The following CYTL1 variants were observed in gnomAD, a reference collection of about 807,000 sequenced individuals.
The protein encoded by CYTL1 is cytokine like 1, also known as cytokine-like protein 1.
CYTL1 carries 17 observed loss-of-function variants against 13.1 expected under a neutral mutation model. The observed-to-expected ratio is 1.29, with a 90% CI of 0.89 to 1.94. The LOEUF (loss-of-function observed/expected upper bound fraction) is 1.94, where lower values mean the gene tolerates loss of function less well. Ranked by LOEUF, CYTL1 falls within the 30% of genes most tolerant of loss-of-function variation. The pLI is 0.00. For synonymous variants in CYTL1, 91 were observed against 79.4 expected (o/e 1.15, Z -0.78); for missense variants, 213 against 174.8 (o/e 1.22, Z -1.23).
chr4:5,016,012 C>T (rs1741064942), intron 3 of CYTL1, among the ~76,000 whole-genome samples: 1 of 152,196 alleles, frequency 6.6e-6, no homozygotes, highest in African/African-American at 2.4e-5. Flanking sequence ...GAAACTTAAT[C>T]CCTCTGCCTT....
At chr4:5,015,801 C>T (rs948739104) in intron 3 of CYTL1, among the ~76,000 whole-genome samples, 2 of 152,084 alleles carry the variant, frequency 1.3e-5, no homozygotes, top group Non-Finnish European at 2.9e-5. Context: ...GCTAGCAATT[C>T]CATATTTAGT....
chr4:5,018,434 A>AGGTG (rs1355580464), intron 1 of CYTL1, among the ~76,000 whole-genome samples: 2 of 152,270 alleles, frequency 1.3e-5, no homozygotes, highest in African/African-American at 4.8e-5. Context: ...AATACCAAGA[A>AGGTG]GGTGTTAGCT....
At position 5,014,940 on chromosome 4, in the gene CYTL1, C is replaced by A; in HGVS notation, c.*211G>T. ...CTAACCATCCTGGCAAGACATGAGT[C>A]AAGGGAATGAGAAGCATGGTTGCTA... is the stretch of plus-strand genomic sequence containing the variant. On this transcript the variant is annotated 3_prime_UTR_variant, in exon 4 of 4. Transcript: ENST00000307746. 1.8e-6 allele frequency: 1 copy of A among 562,488 alleles called. No homozygotes were observed. Among genetic ancestry groups the A allele is most frequent in the East Asian group, 3.1e-5 (1 of 32,348 alleles). The allele number at this position is 562,488 out of a possible 1,614,324, so 34.8% of individuals were successfully genotyped here. A position where few individuals can be genotyped will look rare whatever the true frequency, so the allele number is the denominator to read the frequency against.
chr4:5,017,294 G>T, intron 1 of CYTL1, 115 bp from the exon 2 acceptor site: 1 of 915,836 alleles, frequency 1.1e-6, no homozygotes, highest in Non-Finnish European at 1.7e-6. Context: ...GGCCCTCCCT[G>T]ATGCTACGAC....
intron 2 of CYTL1, 80 bp downstream of exon 2, chr4:5,017,055 G>A: frequency 6.2e-7 from 1 of 1,605,968 alleles, no homozygotes; most frequent in Admixed American, 1.7e-5. Flanking sequence ...CCCTGACTCT[G>A]TGCCACACAG....
chr4:5,019,378 G>T lies in CYTL1; in HGVS notation c.68C>A (p.Thr23Asn), dbSNP rs765546939. ...CATGCGGGAGTAGCAGGTCGGGGGAGTGGGCCGCGCGGCGGGGGCTCCCGC... is the reference window on the plus strand; with the variant it reads ...CATGCGGGAGTAGCAGGTCGGGGGATTGGGCCGCGCGGCGGGGGCTCCCGC... ...LLAGAPAARPTPPTCYSRMRA... is the reference protein window; with the variant it reads ...LLAGAPAARPNPPTCYSRMRA... Residue 23 changes from threonine (T) to asparagine (N), a missense_variant, in exon 1 of 4, where the codon ACT (threonine) becomes AAT (asparagine). By Grantham distance (65) the Thr-to-Asn change is moderately conservative. Transcript: ENST00000307746. 4 of 1,510,490 alleles carry T rather than the reference G, an allele frequency of 2.6e-6. No individual in the cohort carries two copies. Among genetic ancestry groups the T allele is most frequent in the Non-Finnish European group, 2.6e-6 (3 of 1,137,752 alleles). 93.6% of individuals were successfully genotyped at this position (1,510,490 alleles called of 1,614,324 possible). A position where few individuals can be genotyped will look rare whatever the true frequency, so the allele number is the denominator to read the frequency against.
At chr4:5,016,572 G>T (rs1273300838) in intron 3 of CYTL1, among the ~76,000 whole-genome samples, 1 of 152,188 alleles carries the variant, frequency 6.6e-6, no homozygotes, top group Non-Finnish European at 1.5e-5. Context: ...TCCTGGCAGA[G>T]TCTATCTATG....
At chr4:5,019,211 CTCTT>C in intron 1 of CYTL1, 78 bp downstream of exon 1, 3 of 1,201,228 alleles carry the variant, frequency 2.5e-6, no homozygotes, top group Admixed American at 3.5e-5. Context: ...CTCTCTCTCT[CTCTT>C]TTTTTTTTCG....
chr4:5,019,003 C>CTTTT (rs1186542271), intron 1 of CYTL1, among the ~76,000 whole-genome samples: 1 of 89,644 alleles, frequency 1.1e-5, no homozygotes, highest in Non-Finnish European at 2.1e-5. Context: ...TTTCTTTTTT[C>CTTTT]TTTTTTTTTT....
At chr4:5,015,529 T>C (rs1741054681) in intron 3 of CYTL1, among the ~76,000 whole-genome samples, 1 of 152,138 alleles carries the variant, frequency 6.6e-6, no homozygotes, top group Admixed American at 6.5e-5. Flanking sequence ...AGGGAATAAA[T>C]GAATGAACCT....
In CYTL1 at chr4:5,014,883, CT is replaced by C; in HGVS notation, c.*267del. 2.3e-6 allele frequency: 1 copy of C among 428,188 alleles called. No homozygotes were observed. The highest frequency in any genetic ancestry group is 4.2e-6 in the Non-Finnish European group (1 of 237,102). The allele number at this position is 428,188 out of a possible 1,614,324, so 26.5% of individuals were successfully genotyped here. On this transcript the variant is annotated 3_prime_UTR_variant, in exon 4 of 4. Coordinates refer to ENST00000307746, the MANE Select transcript of CYTL1 (RefSeq NM_018659.3). ...AGTGAAGCTTGTTAGTCCTTTTCTT[CT>C]TTTTAGTGACCAAATCAACATGCTG... is the stretch of plus-strand genomic sequence containing the variant.
chr4:5,018,151 T>C (rs1436259244), intron 1 of CYTL1, among the ~76,000 whole-genome samples: 1 of 152,226 alleles, frequency 6.6e-6, no homozygotes, highest in African/African-American at 2.4e-5. Context: ...GATAGTGTCA[T>C]TAAAAAGTAA....
intron 3 of CYTL1, among the ~76,000 whole-genome samples, chr4:5,015,505 ACT>A (rs34125699): frequency 0.87 from 132,084 of 152,054 alleles, 58,280 homozygotes; most frequent in East Asian, 0.97. Context: ...TGGATAGATG[ACT>A]ATGGGTGAGG....
At chr4:5,015,839 G>A (rs1741061069) in intron 3 of CYTL1, among the ~76,000 whole-genome samples, 1 of 152,136 alleles carries the variant, frequency 6.6e-6, no homozygotes, top group African/African-American at 2.4e-5. Context: ...TAGGATCAAG[G>A]GAGTTACTGC....
At position 5,015,102 on chromosome 4, in the gene CYTL1, G is replaced by C; in HGVS notation, c.*49C>G. ...GGCTCTGGCCCATTAAGTCTGGGTA[G>C]CTGACATAACTGTAGTTCTCTTGGG... On this transcript the variant is annotated 3_prime_UTR_variant, in exon 4 of 4. Transcript: ENST00000307746. The C allele has an allele frequency of 6.7e-7, 1 of 1,492,436 alleles. No homozygotes were observed. The highest frequency in any genetic ancestry group is 9.3e-7 in the Non-Finnish European group (1 of 1,071,868). The allele number at this position is 1,492,436 out of a possible 1,614,324, so 92.4% of individuals were successfully genotyped here.
intron 1 of CYTL1, among the ~76,000 whole-genome samples, chr4:5,019,091 T>C (rs73198530): frequency 0.022 from 3,315 of 151,780 alleles, 46 homozygotes; most frequent in South Asian, 0.049. Flanking sequence ...GTCTTTACTT[T>C]TTCTTGTGTT....
intron 1 of CYTL1, among the ~76,000 whole-genome samples, chr4:5,018,694 C>A (rs1741129971): frequency 6.6e-6 from 1 of 152,196 alleles, no homozygotes; most frequent in Non-Finnish European, 1.5e-5. Flanking sequence ...AGTACTTGTT[C>A]CTGTAGGCTT....
intron 3 of CYTL1, among the ~76,000 whole-genome samples, chr4:5,016,321 T>C (rs527558098): frequency 7.2e-5 from 11 of 152,280 alleles, no homozygotes; most frequent in Admixed American, 2.0e-4. Context: ...GTCTGTGGTG[T>C]TATGTTATAG....
chr4:5,018,565 C>A (rs183709965), intron 1 of CYTL1, among the ~76,000 whole-genome samples: 9 of 152,216 alleles, frequency 5.9e-5, no homozygotes, highest in Admixed American at 5.2e-4. Context: ...CATTTTGTTT[C>A]GACGGAGAAG....
Sources: gnomAD v4.1 joint callset for allele counts (sites outside exome capture counted in the v4.1 genomes callset) on GRCh38, gnomAD v4.1.1 for gene constraint, MANE v1.5 for transcripts, NCBI Gene and HGNC (gene_info 2026-07-23, HGNC 2026-07-21) for gene names.